The following TMEM200C variants were observed in gnomAD, a reference collection of about 807,000 sequenced individuals.
The protein encoded by TMEM200C is transmembrane protein TTMA.
For synonymous variants in TMEM200C, 462 were observed against 324.7 expected (o/e 1.42, Z -4.55); for missense variants, 966 against 699.9 (o/e 1.38, Z -4.29).
chr18:5,889,991 A>C (rs943504643), exon 3 of TMEM200C: 4 of 399,150 alleles, frequency 1.0e-5, no homozygotes, highest in Non-Finnish European at 1.7e-5. Flanking sequence ...CGGACATAAA[A>C]AGACTAGTTT....
rs1459969829 is a variant in TMEM200C, at chr18:5,891,461, C to T, written c.603G>A (p.Arg201=). 6.4e-7 allele frequency: 1 copy of T among 1,568,950 alleles called. No homozygotes were observed. ...CGTCGATGACGGTGGAGTAGAGGTC[C>T]CGCAGGTTGATGATTTTGGTCTTCT... The change falls in exon 3 of 3, where the codon CGG becomes CGA. Residue 201 remains arginine, a synonymous_variant. Coordinates refer to ENST00000581347, the Ensembl canonical transcript of TMEM200C. The surrounding 1 kb of genome is among the most constrained non-coding windows in gnomAD (Gnocchi z 4.7).
exon 3 of TMEM200C, chr18:5,890,328 C>G: frequency 1.2e-6 from 2 of 1,604,646 alleles, no homozygotes; most frequent in Non-Finnish European, 1.7e-6. Context: ...TGGCTCCTGG[C>G]TGGCACCCTC....
chr18:5,895,349 G>T (rs1225211746), exon 2 of TMEM200C: 1 of 151,600 alleles, frequency 6.6e-6, no homozygotes, highest in Admixed American at 6.6e-5. Context: ...CTAGCGCGGC[G>T]CTCCCGGGCG....
chr18:5,892,472 G>A (rs1023720811), intron 2 of TMEM200C, among the ~76,000 whole-genome samples: 2 of 152,182 alleles, frequency 1.3e-5, no homozygotes, highest in African/African-American at 2.4e-5. Context: ...TAATATGAGG[G>A]TTTGAAATGA....
In TMEM200C at chr18:5,891,176, A is replaced by C; in HGVS notation, c.888T>G (p.Pro296=). 3 of 678,674 alleles carry C rather than the reference A, an allele frequency of 4.4e-6. No individual in the cohort carries two copies. Among genetic ancestry groups the C allele is most frequent in the Non-Finnish European group, 4.1e-6 (2 of 484,214 alleles). 42.0% of individuals were successfully genotyped at this position (678,674 alleles called of 1,614,324 possible). A position where few individuals can be genotyped will look rare whatever the true frequency, so the allele number is the denominator to read the frequency against. Reference sequence around the variant, plus strand: ...GGTCCGGCGGGGACGCGGCGCCCCGAGGGCGGCCGCCGCTCGGCGCCGCGG... The same window carrying C: ...GGTCCGGCGGGGACGCGGCGCCCCGCGGGCGGCCGCCGCTCGGCGCCGCGG... Residue 296 remains proline (P), a synonymous_variant, in exon 3 of 3, where the codon CCT becomes CCG. Coordinates refer to ENST00000581347, the Ensembl canonical transcript of TMEM200C. The surrounding 1 kb of genome is among the most constrained non-coding windows in gnomAD (Gnocchi z 4.7).
In TMEM200C at chr18:5,891,380, G is replaced by A. The variant is rs868252707; in HGVS notation, c.684C>T (p.Ala228=). ...GGGCAGACGACGACGAAGAGGCGGC[G>A]GCGGCCGCGGCGGCGGCCGCGGCGG... The change falls in exon 3 of 3, where the codon GCC becomes GCT. Residue 228 remains alanine, a synonymous_variant. Transcript: ENST00000581347. The surrounding 1 kb of genome is among the most constrained non-coding windows in gnomAD (Gnocchi z 4.7). 12 of 1,311,222 alleles carry A rather than the reference G, an allele frequency of 9.2e-6. No individual in the cohort carries two copies. Among genetic ancestry groups the A allele is most frequent in the East Asian group, 3.2e-5 (1 of 31,350 alleles). The allele number at this position is 1,311,222 out of a possible 1,614,324, so 81.2% of individuals were successfully genotyped here.
exon 3 of TMEM200C, chr18:5,886,748 C>T (rs55695138): frequency 6.6e-6 from 1 of 151,984 alleles, no homozygotes; most frequent in Admixed American, 6.6e-5. Context: ...CATTTATTAT[C>T]TCCATTTACT....
Position 5,890,308 on chromosome 18 carries a change from C to A in TMEM200C, c.1756G>T (p.Glu586Ter), listed in dbSNP as rs757308256. The change falls in exon 3 of 3, where the codon GAG becomes TAG. Residue 586 changes from glutamate to a stop codon, truncating the protein, a stop_gained. Transcript: ENST00000581347. LOFTEE classifies it low-confidence loss of function (END_TRUNC). The stretch of plus-strand genomic sequence containing the variant: ...TGCCTCTGCACCGGCTGAGGTTGCT[C>A]GGCCGTGGGTGGCTCCTGGCTGGCA... The A allele has an allele frequency of 3.7e-6, 6 of 1,602,236 alleles. No homozygotes were observed. The highest frequency in any genetic ancestry group is 5.1e-6 in the Non-Finnish European group (6 of 1,173,986).
chr18:5,894,826 G>A (rs2095174387), intron 2 of TMEM200C, among the ~76,000 whole-genome samples: 1 of 152,200 alleles, frequency 6.6e-6, no homozygotes, highest in Admixed American at 6.5e-5. Context: ...AGACAGGCAG[G>A]AGCCAAGTGA....
At chr18:5,893,294 GTT>G (rs571670735) in intron 2 of TMEM200C, among the ~76,000 whole-genome samples, 390 of 152,178 alleles carry the variant, frequency 2.6e-3, no homozygotes, top group African/African-American at 9.1e-3. Context: ...GTTTTGTTTT[GTT>G]TTGTTTTTCC....
chr18:5,892,360 T>G (rs1217686340), intron 2 of TMEM200C, among the ~76,000 whole-genome samples: 2 of 152,178 alleles, frequency 1.3e-5, no homozygotes, highest in East Asian at 1.9e-4. Flanking sequence ...AACTAATAGG[T>G]GGTTATAAAA....
exon 3 of TMEM200C, chr18:5,888,005 T>C (rs1167609564): frequency 1.3e-5 from 2 of 152,256 alleles, no homozygotes; most frequent in African/African-American, 4.8e-5. Context: ...ATTAGCTTTA[T>C]TATTTGCTAA....
chr18:5,892,349 CAACT>C (rs1257686535), intron 2 of TMEM200C, among the ~76,000 whole-genome samples, 192 bp from the exon 2 acceptor site: 1 of 152,166 alleles, frequency 6.6e-6, no homozygotes, highest in Non-Finnish European at 1.5e-5. Flanking sequence ...GTTGTTGCAA[CAACT>C]AATAGGTGGT....
Position 5,890,987 on chromosome 18 carries a change from G to C in TMEM200C, c.1077C>G (p.Pro359=), listed in dbSNP as rs1017782674. 21 of 655,322 alleles carry C rather than the reference G, an allele frequency of 3.2e-5. No individual in the cohort carries two copies. The African/African-American group carries it at 3.8e-4, about 12-fold the overall frequency. 40.6% of individuals were successfully genotyped at this position (655,322 alleles called of 1,614,324 possible). ...CCGTGCTCTGGCGCCCCCAGCTCTC[G>C]GGTGGGCTGCAGGGCGCCGGACTGC... The change falls in exon 3 of 3, where the codon CCC becomes CCG. Residue 359 remains proline (P), a synonymous_variant. Transcript: ENST00000581347.
rs1184747684 is a variant in TMEM200C at position 5,891,026 on chromosome 18, G to T, written c.1038C>A (p.Ala346=). The T allele has an allele frequency of 1.6e-5, 9 of 566,796 alleles. No individual in the cohort carries two copies. The highest frequency in any genetic ancestry group is 2.8e-5 in the Non-Finnish European group (9 of 326,800). 35.1% of individuals were successfully genotyped at this position (566,796 alleles called of 1,614,324 possible). Residue 346 remains alanine (A), a synonymous_variant, in exon 3 of 3, where the codon GCC becomes GCA. Coordinates refer to ENST00000581347, the Ensembl canonical transcript of TMEM200C. The surrounding 1 kb of genome is among the most constrained non-coding windows in gnomAD (Gnocchi z 4.7). ...GCGCCGGACTGCTGCAGCTGCTAGC[G>T]GCTGCGGCGGCGGTGGCAGCGGCGG...
rs557797021 is a variant in TMEM200C at position 5,883,524 on chromosome 18, C to T, written c.*6674G>A. 5.9e-5 allele frequency: 9 copies of T among 152,158 alleles called. No homozygotes were observed. In the East Asian group the frequency reaches 1.5e-3, roughly 26 times the overall value. 9.4% of individuals were successfully genotyped at this position (152,158 alleles called of 1,614,324 possible). ...CACAAACAATACTCATACACATTTG[C>T]GACAGTATGTCTGGGTCTTAACCTT... On this transcript the variant is annotated 3_prime_UTR_variant, in exon 3 of 3. Transcript: ENST00000581347.
At chr18:5,893,103 C>A (rs1249931433) in intron 2 of TMEM200C, among the ~76,000 whole-genome samples, 13 of 152,096 alleles carry the variant, frequency 8.5e-5, no homozygotes, top group Admixed American at 8.5e-4. Context: ...ATCTTTTTCT[C>A]ATATGGGAAA....
At chr18:5,895,584 C>A (rs1190563667) in intron 1 of TMEM200C, 62 bp from the exon 1 acceptor site, 1 of 137,290 alleles carries the variant, frequency 7.3e-6, no homozygotes, top group Non-Finnish European at 1.6e-5. Context: ...GCCCCCCGCC[C>A]CACCCCCTCC....
At chr18:5,893,397 A>AAT (rs60840496) in intron 2 of TMEM200C, among the ~76,000 whole-genome samples, 36,876 of 152,046 alleles carry the variant, frequency 0.24, 5,350 homozygotes, top group African/African-American at 0.41. Flanking sequence ...AGTTGTTTGT[A>AAT]AAAGCCTGGG....
Sources: allele counts gnomAD v4.1 joint callset (sites outside exome capture counted in the v4.1 genomes callset), GRCh38; gene constraint gnomAD v4.1.1; non-coding constraint Gnocchi (gnomAD v3.1); transcripts MANE v1.5; gene names NCBI Gene and HGNC (gene_info 2026-07-23, HGNC 2026-07-21).